Variants in DSCAM observed in about 807,000 individuals in gnomAD.
DSCAM encodes the protein DS cell adhesion molecule.
DSCAM carries 47 observed loss-of-function variants against 217.7 expected under a neutral mutation model. The observed-to-expected ratio is 0.22, with a 90% confidence interval of 0.17 to 0.28. DSCAM has a LOEUF of 0.28. Ranked by LOEUF, DSCAM falls within the 10% of genes least tolerant of loss-of-function variation. The pLI, the probability that DSCAM is intolerant of heterozygous loss-of-function variation, is 1.00. For synonymous variants in DSCAM, 1,056 were observed against 1,015.3 expected (o/e 1.04, Z -0.76); for missense variants, 2,080 against 2,618.3 (o/e 0.79, Z 4.49).
chr21:40,192,738 CAT>C (rs763852006), intron 11 of DSCAM, among the ~76,000 whole-genome samples: 1 of 152,164 alleles, frequency 6.6e-6, no homozygotes, highest in Non-Finnish European at 1.5e-5. Context: ...TCATCCATGT[CAT>C]AGCACAGTAC....
chr21:40,617,192 C>T (rs1424424024), intron 3 of DSCAM, among the ~76,000 whole-genome samples: 2 of 140,902 alleles, frequency 1.4e-5, no homozygotes, highest in African/African-American at 2.7e-5. Context: ...GGTGCAATCT[C>T]GGCTCACTGC....
At chr21:40,558,323 C>A (rs2076689118) in intron 3 of DSCAM, among the ~76,000 whole-genome samples, 1 of 152,048 alleles carries the variant, frequency 6.6e-6, no homozygotes, top group African/African-American at 2.4e-5. Flanking sequence ...CGGCGGGCAC[C>A]TGTAGTCCCA....
intron 3 of DSCAM, among the ~76,000 whole-genome samples, chr21:40,593,604 C>G (rs2076999731): frequency 6.6e-6 from 1 of 152,132 alleles, no homozygotes. Flanking sequence ...CCTTGGCCTC[C>G]CAAAGTGCTG....
chr21:40,553,274 T>C (rs919461899), intron 3 of DSCAM, among the ~76,000 whole-genome samples: 1 of 152,262 alleles, frequency 6.6e-6, no homozygotes, highest in African/African-American at 2.4e-5. Context: ...GACTTACCTT[T>C]TATGCCTTGG....
chr21:40,615,653 T>G (rs1052817207), intron 3 of DSCAM, among the ~76,000 whole-genome samples: 1 of 152,100 alleles, frequency 6.6e-6, no homozygotes, highest in Non-Finnish European at 1.5e-5. Context: ...ATTTCAAACC[T>G]AAGAAAAGCA....
chr21:40,159,879 G>GA (rs1253991901), intron 16 of DSCAM, among the ~76,000 whole-genome samples: 1 of 152,178 alleles, frequency 6.6e-6, no homozygotes, highest in Non-Finnish European at 1.5e-5. Context: ...CACTGTGCCC[G>GA]ACCCTATCCA....
At position 40,762,341 on chromosome 21, in the gene DSCAM, CACAT is replaced by C. The variant is rs548056959; in HGVS notation, c.44-53574_44-53571del. ...AGAGAATACTATAAACACCTCTACA[CACAT>C]AAACTAGAAAGTCTAGAAGAAATGG... is the stretch of plus-strand genomic sequence containing the variant. On this transcript the variant is annotated intron_variant, in intron 1 of 32. Transcript: ENST00000400454. Among the ~76,000 whole-genome samples the C allele has an allele frequency of 3.6e-3, 546 of 152,278 alleles. 5 individuals are homozygous for C. Among genetic ancestry groups the C allele is most frequent in the African/African-American group, 0.013 (528 of 41,546 alleles).
chr21:40,753,569 A>G (rs1384242815), intron 1 of DSCAM, among the ~76,000 whole-genome samples: 1 of 152,234 alleles, frequency 6.6e-6, no homozygotes, highest in Non-Finnish European at 1.5e-5. Context: ...AGACTAATCC[A>G]TTTCCAAACT....
chr21:40,342,618 G>A (rs1311809550), intron 6 of DSCAM, among the ~76,000 whole-genome samples: 1 of 90,076 alleles, frequency 1.1e-5, no homozygotes, highest in East Asian at 2.6e-4. Flanking sequence ...ATATGTGTGT[G>A]TGTGTGTGTA....
At chr21:40,445,741 C>G (rs1050836718) in intron 3 of DSCAM, among the ~76,000 whole-genome samples, 6 of 152,192 alleles carry the variant, frequency 3.9e-5, no homozygotes, top group Non-Finnish European at 7.3e-5. Context: ...GAATCCTCAT[C>G]TCCTTCAGAA....
At chr21:40,206,006 T>C (rs2837501) in intron 11 of DSCAM, among the ~76,000 whole-genome samples, 87,431 of 152,082 alleles carry the variant, frequency 0.57, 27,151 homozygotes, top group African/African-American at 0.83. Flanking sequence ...CTTTTTGGCA[T>C]TGGCAGCAGC....
At chr21:40,367,833 C>G (rs1379717821) in intron 4 of DSCAM, among the ~76,000 whole-genome samples, 1 of 152,146 alleles carries the variant, frequency 6.6e-6, no homozygotes, top group Non-Finnish European at 1.5e-5. Context: ...CATTGTTGCT[C>G]TCACTTTTCC....
intron 3 of DSCAM, among the ~76,000 whole-genome samples, chr21:40,438,822 A>G (rs1035087154): frequency 6.6e-6 from 1 of 152,154 alleles, no homozygotes; most frequent in Admixed American, 6.5e-5. Flanking sequence ...TGGTTCCTGG[A>G]GTTGGATTCA....
chr21:40,431,913 CT>C (rs1394648656), intron 3 of DSCAM, among the ~76,000 whole-genome samples: 2 of 152,132 alleles, frequency 1.3e-5, no homozygotes, highest in Non-Finnish European at 1.5e-5. Flanking sequence ...TAAATGTATT[CT>C]TCTGGCCAGG....
chr21:40,157,779 C>G (rs2085912397), intron 16 of DSCAM, among the ~76,000 whole-genome samples: 1 of 151,930 alleles, frequency 6.6e-6, no homozygotes, highest in Non-Finnish European at 1.5e-5. Flanking sequence ...ACTGCAGCCT[C>G]GACCTCCCAG....
intron 3 of DSCAM, among the ~76,000 whole-genome samples, chr21:40,484,846 G>T (rs2076011645): frequency 6.6e-6 from 1 of 152,146 alleles, no homozygotes; most frequent in Admixed American, 6.5e-5. Flanking sequence ...AAAATCAAAT[G>T]GTAGATGCTG....
chr21:40,050,445 A>AG (rs34396539), intron 30 of DSCAM, among the ~76,000 whole-genome samples: 68,440 of 151,754 alleles, frequency 0.45, 15,849 homozygotes, highest in East Asian at 0.53. Context: ...GCAGTTCACA[A>AG]GGGAGAAGCC....
chr21:40,278,932 T>A (rs1159619562), intron 10 of DSCAM, among the ~76,000 whole-genome samples: 1 of 152,204 alleles, frequency 6.6e-6, no homozygotes, highest in Admixed American at 6.5e-5. Flanking sequence ...TTTTCTGATA[T>A]CTGTTTTAAA....
At chr21:40,417,693 A>G (rs2075385045) in intron 3 of DSCAM, among the ~76,000 whole-genome samples, 1 of 152,208 alleles carries the variant, frequency 6.6e-6, no homozygotes, top group South Asian at 2.1e-4. Context: ...ATATAAAGCA[A>G]TTTAATTCAG....
Sources: allele counts gnomAD v4.1 joint callset (sites outside exome capture counted in the v4.1 genomes callset), GRCh38; gene constraint gnomAD v4.1.1; transcripts MANE v1.5; gene names NCBI Gene and HGNC (gene_info 2026-07-23, HGNC 2026-07-21).